The following SPAST variants were observed in gnomAD, a reference collection of about 807,000 sequenced individuals.
SPAST encodes the protein spastin.
In SPAST, 30 loss-of-function variants were observed where a neutral mutation model predicts 76.6. That is an observed-to-expected ratio of 0.39 (90% CI 0.29 to 0.53). The LOEUF (loss-of-function observed/expected upper bound fraction) is 0.53, where lower values mean the gene tolerates loss of function less well. Among genes scored for constraint, SPAST ranks in the 20% least tolerant of loss-of-function variants. The pLI is 0.68. For missense variants in SPAST, 717 were observed against 770.5 expected, an observed-to-expected ratio of 0.93 and a Z score of 0.82; for synonymous variants, 305 against 281.0, an observed-to-expected ratio of 1.09 and a Z score of -0.86.
chr2:32,113,407 C>A (rs1047614418), intron 4 of SPAST, among the ~76,000 whole-genome samples: 1 of 151,622 alleles, frequency 6.6e-6, no homozygotes, highest in East Asian at 1.9e-4. Flanking sequence ...GTTTTTAAGA[C>A]CCTCTTGGTG....
intron 7 of SPAST, among the ~76,000 whole-genome samples, chr2:32,124,772 A>G (rs1679137584): frequency 6.6e-6 from 1 of 152,226 alleles, no homozygotes; most frequent in South Asian, 2.1e-4. Context: ...GCATATTGCT[A>G]AATGAAAGAA....
At chr2:32,140,782 A>T (rs1208693455) in intron 12 of SPAST, among the ~76,000 whole-genome samples, 1 of 151,922 alleles carries the variant, frequency 6.6e-6, no homozygotes, top group African/African-American at 2.4e-5. Context: ...AAAAAAATTA[A>T]ATTTTTAAAA....
rs576270221 is a variant in SPAST, at chr2:32,101,287, T to C, written c.682+2396T>C. 3.1e-3 allele frequency among the ~76,000 whole-genome samples: 473 copies of C among 152,320 alleles called. 3 individuals are homozygous for C. Among genetic ancestry groups the C allele is most frequent in the Middle Eastern group, 6.8e-3 (2 of 294 alleles). On this transcript the variant is annotated intron_variant, in intron 4 of 16. Transcript: ENST00000315285. The stretch of plus-strand genomic sequence containing the variant: ...TTGAGAAGCATCTGTTCATATACTT[T>C]GCCCACTTTTTGATGGGGTTGTTTG...
intron 16 of SPAST, among the ~76,000 whole-genome samples, chr2:32,151,171 A>C (rs1680072956): frequency 6.6e-6 from 1 of 151,898 alleles, no homozygotes; most frequent in Admixed American, 6.6e-5. Flanking sequence ...TGGAACTCCC[A>C]ACCTCAGGAG....
chr2:32,070,969 A>G (rs971920597), intron 1 of SPAST, among the ~76,000 whole-genome samples: 2 of 152,226 alleles, frequency 1.3e-5, no homozygotes, highest in African/African-American at 4.8e-5. Context: ...ATTTAAGTGA[A>G]TGGACTCAAA....
At chr2:32,138,914 G>A (rs149727482) in intron 12 of SPAST, among the ~76,000 whole-genome samples, 1 of 152,178 alleles carries the variant, frequency 6.6e-6, no homozygotes, top group East Asian at 1.9e-4. Context: ...TATTGAATAG[G>A]GAGTCCTTTT....
rs976902672 is a variant in SPAST at position 32,137,198 on chromosome 2, T to G, written c.1493+10T>G. ...ATGAGGCTGTTCTCAGGTAGGGAGA[T>G]TTATATGGAAATACATGCATTTATT... is the stretch of plus-strand genomic sequence containing the variant. On this transcript the variant is annotated intron_variant, in intron 12 of 16. Transcript: ENST00000315285. 1 of 1,588,004 alleles carries G rather than the reference T, an allele frequency of 6.3e-7. No homozygotes were observed. Among genetic ancestry groups the G allele is most frequent in the African/African-American group, 1.3e-5 (1 of 74,348 alleles).
chr2:32,133,255 A>G (rs1290430818), intron 9 of SPAST, among the ~76,000 whole-genome samples: 1 of 152,244 alleles, frequency 6.6e-6, no homozygotes, highest in African/African-American at 2.4e-5. Context: ...AATAACTAAC[A>G]TGTAGAAAAG....
chr2:32,064,297 GGGT>G, intron 1 of SPAST, 51 bp downstream of exon 1: 1 of 1,285,920 alleles, frequency 7.8e-7, no homozygotes, highest in Non-Finnish European at 1.1e-6. Flanking sequence ...GAAGGCGGTG[GGGT>G]CGCCGGGGGA....
intron 7 of SPAST, among the ~76,000 whole-genome samples, chr2:32,125,955 C>T (rs961330042): frequency 7.2e-5 from 11 of 152,078 alleles, no homozygotes; most frequent in South Asian, 2.1e-4. Flanking sequence ...CCACCACGCC[C>T]GGCTAATTTT....
At chr2:32,079,024 A>G (rs559639226) in intron 1 of SPAST, among the ~76,000 whole-genome samples, 25 of 152,104 alleles carry the variant, frequency 1.6e-4, no homozygotes, top group African/African-American at 5.8e-4. Context: ...TTATTTTGGT[A>G]GAGATGGGGT....
At chr2:32,112,494 C>T (rs563864043) in intron 4 of SPAST, among the ~76,000 whole-genome samples, 4 of 152,064 alleles carry the variant, frequency 2.6e-5, no homozygotes, top group African/African-American at 9.6e-5. Context: ...ATTACAGGCG[C>T]ACGCCACCAC....
chr2:32,116,306 A>G (rs916166998), intron 7 of SPAST, 94 bp downstream of exon 7: 22 of 797,814 alleles, frequency 2.8e-5, no homozygotes, highest in Non-Finnish European at 4.7e-5. Context: ...CTATACTAAA[A>G]TAATTAATTC....
chr2:32,105,456 C>CA (rs1678284166), intron 4 of SPAST, among the ~76,000 whole-genome samples: 1 of 152,188 alleles, frequency 6.6e-6, no homozygotes, highest in South Asian at 2.1e-4. Flanking sequence ...CTACTTCTGT[C>CA]AGCTTGTCAA....
intron 9 of SPAST, chr2:32,128,699 C>T (rs1389585119): frequency 2.1e-5 from 11 of 535,462 alleles, no homozygotes; most frequent in African/African-American, 3.8e-5. Flanking sequence ...AATAAAATAC[C>T]GTAAACTGGC....
chr2:32,105,005 C>G (rs946714039), intron 4 of SPAST, among the ~76,000 whole-genome samples: 1 of 152,156 alleles, frequency 6.6e-6, no homozygotes, highest in African/African-American at 2.4e-5. Flanking sequence ...GCCTGCCTTG[C>G]TAGGTTGGGG....
chr2:32,064,168 G>A lies in SPAST; in HGVS notation c.337G>A (p.Ala113Thr). 1 of 1,552,126 alleles carries A rather than the reference G, an allele frequency of 6.4e-7. No individual in the cohort carries two copies. The highest frequency in any genetic ancestry group is 8.7e-7 in the Non-Finnish European group (1 of 1,148,588). ...SAPAPVPGGE[A>T]ERVRVFHKQA... Reference sequence around the variant, plus strand: ...CCCGGCGCCGGTGCCGGGCGGCGAGGCCGAGCGCGTCCGAGTCTTCCACAA... The same window carrying A: ...CCCGGCGCCGGTGCCGGGCGGCGAGACCGAGCGCGTCCGAGTCTTCCACAA... The change falls in exon 1 of 17, where the codon GCC becomes ACC. Residue 113 changes from alanine (A) to threonine (T), a missense_variant. By Grantham distance (58) the Ala-to-Thr change is moderately conservative (BLOSUM62 0). Coordinates refer to ENST00000315285, the MANE Select transcript of SPAST (RefSeq NM_014946.4).
intron 5 of SPAST, among the ~76,000 whole-genome samples, chr2:32,115,446 A>G (rs1468488523): frequency 2.0e-4 from 30 of 152,306 alleles, no homozygotes; most frequent in Non-Finnish European, 2.9e-5. Flanking sequence ...TCATGATTCT[A>G]ACAAGGGTTA....
intron 4 of SPAST, among the ~76,000 whole-genome samples, chr2:32,109,756 C>G (rs1036157836): frequency 6.7e-6 from 1 of 148,368 alleles, no homozygotes; most frequent in Non-Finnish European, 1.5e-5. Flanking sequence ...TATAAGCTAT[C>G]TGTATATAGT....
Sources: allele counts gnomAD v4.1 joint callset (sites outside exome capture counted in the v4.1 genomes callset), GRCh38; gene constraint gnomAD v4.1.1; transcripts MANE v1.5; gene names NCBI Gene and HGNC (gene_info 2026-07-23, HGNC 2026-07-21).